Variants in DZIP3 observed in about 807,000 individuals in gnomAD.
The protein encoded by DZIP3 is DAZ interacting zinc finger protein 3.
Under a neutral mutation model 162.0 loss-of-function variants are expected in DZIP3, and 118 were observed. The ratio of observed to expected loss-of-function variants is 0.73; its 90% CI spans 0.63 to 0.85. DZIP3 has a LOEUF of 0.85. DZIP3 is among the 40% of genes least tolerant of loss of function. The probability of loss-of-function intolerance (pLI) is 0.00; values close to 1 mark genes in which losing one functional copy is unlikely to be tolerated. For synonymous variants in DZIP3, 438 were observed against 458.6 expected (o/e 0.96, Z 0.57); for missense variants, 1,331 against 1,407.0 (o/e 0.95, Z 0.86).
At chr3:108,634,242 G>T (rs1942035514) in intron 9 of DZIP3, among the ~76,000 whole-genome samples, 2 of 152,106 alleles carry the variant, frequency 1.3e-5, no homozygotes, top group African/African-American at 4.8e-5. Context: ...ATGACATGGT[G>T]ATATGGTCCT....
intron 1 of DZIP3, among the ~76,000 whole-genome samples, chr3:108,598,274 T>TA (rs1485419645): frequency 6.6e-6 from 1 of 152,192 alleles, no homozygotes; most frequent in Admixed American, 6.5e-5. Context: ...TTTCTGCTCT[T>TA]ACGGATTTAT....
At chr3:108,592,981 T>A (rs1263170976) in intron 1 of DZIP3, among the ~76,000 whole-genome samples, 2 of 152,192 alleles carry the variant, frequency 1.3e-5, no homozygotes, top group Non-Finnish European at 2.9e-5. Context: ...CATAATTTAA[T>A]GAGAATGAAC....
intron 8 of DZIP3, among the ~76,000 whole-genome samples, chr3:108,631,093 T>TCTCTCTCTCTCTCTCC (rs1235604547): frequency 3.5e-5 from 5 of 144,824 alleles, no homozygotes; most frequent in East Asian, 2.1e-4. Context: ...TCTCTCTCTC[T>TCTCTCTCTCTCTCTCC]CCTATCCTAC....
chr3:108,611,335 G>T lies in DZIP3; in HGVS notation c.258+6G>T. On this transcript the variant is annotated splice_donor_region_variant and intron_variant, in intron 4 of 32. Coordinates refer to ENST00000361582, the MANE Select transcript of DZIP3 (RefSeq NM_014648.4). ...TTTCCTTCCAAACTATGCAGGTAAC[G>T]TCATAAGTTGTTATTTGGGGCAGAA... 1 of 1,609,132 alleles carries T rather than the reference G, an allele frequency of 6.2e-7. No individual in the cohort carries two copies.
At chr3:108,624,091 C>T (rs1941486611) in intron 5 of DZIP3, among the ~76,000 whole-genome samples, 1 of 152,082 alleles carries the variant, frequency 6.6e-6, no homozygotes, top group South Asian at 2.1e-4. Flanking sequence ...TGATCACTCA[C>T]CTGATTTTTG....
At chr3:108,681,139 A>G (rs1056476475) in intron 26 of DZIP3, among the ~76,000 whole-genome samples, 5 of 152,202 alleles carry the variant, frequency 3.3e-5, no homozygotes, top group African/African-American at 1.2e-4. Flanking sequence ...ATCAGAGTGA[A>G]CAGGCAACCT....
In DZIP3 at chr3:108,658,237, G is replaced by GA. The variant is rs1388640070; in HGVS notation, c.2200-3638dup. On this transcript the variant is annotated intron_variant, in intron 19 of 32. Transcript: ENST00000361582. Reference sequence around the variant, plus strand: ...TATTCCAAAATTGACCACATAGTTAGAAGTAAAGCACTCCTCAGCAAATGT... The same window carrying GA: ...TATTCCAAAATTGACCACATAGTTAGAAAGTAAAGCACTCCTCAGCAAATGT... 3.3e-5 allele frequency among the ~76,000 whole-genome samples: 5 copies of GA among 152,302 alleles called. No homozygotes were observed. In the East Asian group the frequency reaches 9.6e-4, roughly 29 times the overall value.
chr3:108,684,451 G>C (rs1944430399), intron 27 of DZIP3, 110 bp downstream of exon 27: 2 of 1,320,296 alleles, frequency 1.5e-6, no homozygotes, highest in Non-Finnish European at 2.1e-6. Context: ...ATAATGATGG[G>C]GGTGGTGGTG....
intron 21 of DZIP3, among the ~76,000 whole-genome samples, chr3:108,666,565 C>G (rs1032807180): frequency 2.6e-5 from 4 of 151,996 alleles, no homozygotes; most frequent in African/African-American, 9.7e-5. Context: ...TATAGAACAC[C>G]CCACCCGACA....
chr3:108,664,429 C>A (rs1943583070), intron 21 of DZIP3, among the ~76,000 whole-genome samples: 2 of 152,170 alleles, frequency 1.3e-5, no homozygotes, highest in African/African-American at 4.8e-5. Context: ...AGTAAGCAAG[C>A]AGCTGACTTC....
intron 7 of DZIP3, among the ~76,000 whole-genome samples, chr3:108,626,599 A>G (rs1317166253): frequency 1.3e-5 from 2 of 152,208 alleles, no homozygotes; most frequent in Non-Finnish European, 2.9e-5. Flanking sequence ...CATTTGTAAC[A>G]TCATTCATTC....
chr3:108,619,128 A>C (rs1479870565), intron 5 of DZIP3, among the ~76,000 whole-genome samples: 1 of 151,672 alleles, frequency 6.6e-6, no homozygotes, highest in African/African-American at 2.4e-5. Flanking sequence ...CTATGTACCT[A>C]GAAAAATCTT....
intron 2 of DZIP3, 135 bp downstream of exon 2, chr3:108,605,573 C>T: frequency 3.4e-6 from 3 of 871,510 alleles, no homozygotes; most frequent in Non-Finnish European, 5.3e-6. Context: ...GCATTAGATT[C>T]TCACAAGGAG....
intron 4 of DZIP3, among the ~76,000 whole-genome samples, chr3:108,612,752 A>AT (rs201763887): frequency 3.9e-5 from 6 of 152,172 alleles, no homozygotes; most frequent in Admixed American, 3.9e-4. Flanking sequence ...TGTCTTTTCA[A>AT]TTTTTTAAAA....
chr3:108,661,445 T>C (rs999196833), intron 19 of DZIP3, among the ~76,000 whole-genome samples: 1 of 151,892 alleles, frequency 6.6e-6, no homozygotes, highest in African/African-American at 2.4e-5. Flanking sequence ...TGAGAACACA[T>C]GGACACAGGA....
chr3:108,669,373 G>C (rs1037629567), intron 21 of DZIP3, among the ~76,000 whole-genome samples: 1 of 151,932 alleles, frequency 6.6e-6, no homozygotes, highest in African/African-American at 2.4e-5. Context: ...GTAAGCTGAA[G>C]CATGAAGAGC....
chr3:108,652,825 C>T (rs1480318010), intron 18 of DZIP3, among the ~76,000 whole-genome samples: 2 of 151,800 alleles, frequency 1.3e-5, no homozygotes, highest in Admixed American at 6.6e-5. Flanking sequence ...AACTGCCTAT[C>T]GTATTCAGTA....
chr3:108,606,200 T>C lies in DZIP3; in HGVS notation c.32+762T>C, dbSNP rs569694572. Among the ~76,000 whole-genome samples the C allele has an allele frequency of 1.3e-3, 195 of 152,346 alleles. 1 individual carries two copies. In the Middle Eastern group the frequency reaches 0.014, roughly 11 times the overall value. ...TTTCTAAAGGGTAATTTAAGCATGA[T>C]GCAGAAGACCCTGCTGAGTGGTTCA... On this transcript the variant is annotated intron_variant, in intron 2 of 32. Transcript: ENST00000361582.
chr3:108,610,881 A>G (rs1183824720), intron 3 of DZIP3, among the ~76,000 whole-genome samples: 1 of 152,236 alleles, frequency 6.6e-6, no homozygotes, highest in East Asian at 1.9e-4. Context: ...ATTAACAACT[A>G]TTCATTTTCA....
Sources: gnomAD v4.1 joint callset for allele counts (sites outside exome capture counted in the v4.1 genomes callset) on GRCh38, gnomAD v4.1.1 for gene constraint, MANE v1.5 for transcripts, NCBI Gene and HGNC (gene_info 2026-07-23, HGNC 2026-07-21) for gene names.